Variants in GRAMD2B observed in about 807,000 individuals in gnomAD.
The protein encoded by GRAMD2B is GRAM domain containing 2B, also known as GRAM domain-containing protein 2B.
A neutral mutation model predicts 59.2 loss-of-function variants in GRAMD2B; 41 were observed. The ratio of observed to expected loss-of-function variants is 0.69; its 90% CI spans 0.54 to 0.90. The LOEUF is 0.90. GRAMD2B is among the 40% of genes least tolerant of loss of function. GRAMD2B has a pLI of 0.00. For missense variants in GRAMD2B, 424 were observed against 500.5 expected (o/e 0.85, Z 1.46); for synonymous variants, 161 against 182.7 (o/e 0.88, Z 0.96).
intron 1 of GRAMD2B, among the ~76,000 whole-genome samples, chr5:126,393,616 T>G (rs1757039080): frequency 6.6e-6 from 1 of 152,144 alleles, no homozygotes; most frequent in Non-Finnish European, 1.5e-5. Context: ...ATCTTGAACC[T>G]CCAAATAAGT....
intron 1 of GRAMD2B, among the ~76,000 whole-genome samples, chr5:126,388,120 C>T (rs1240508698): frequency 6.6e-6 from 1 of 152,126 alleles, no homozygotes; most frequent in Non-Finnish European, 1.5e-5. Flanking sequence ...CACCTATAAT[C>T]TCAGCATTTT....
intron 1 of GRAMD2B, among the ~76,000 whole-genome samples, chr5:126,426,049 A>G (rs947046278): frequency 1.5e-4 from 23 of 152,306 alleles, no homozygotes; most frequent in African/African-American, 3.8e-4. Flanking sequence ...GACCATAGGT[A>G]TGTTGCTTGA....
intron 1 of GRAMD2B, among the ~76,000 whole-genome samples, chr5:126,447,627 G>A (rs1764530538): frequency 6.7e-6 from 1 of 148,658 alleles, no homozygotes; most frequent in Admixed American, 6.8e-5. Flanking sequence ...TCGTGCCACT[G>A]CACTCCAGCC....
At chr5:126,427,687 G>C (rs1760850638) in intron 1 of GRAMD2B, among the ~76,000 whole-genome samples, 1 of 152,130 alleles carries the variant, frequency 6.6e-6, no homozygotes, top group Non-Finnish European at 1.5e-5. Flanking sequence ...TGACCGCAGT[G>C]GCAACATCTC....
At chr5:126,430,614 T>A (rs1430972577) in intron 1 of GRAMD2B, among the ~76,000 whole-genome samples, 2 of 152,214 alleles carry the variant, frequency 1.3e-5, no homozygotes, top group Non-Finnish European at 2.9e-5. Flanking sequence ...CTTTGTTCCA[T>A]AGGCTTGATT....
intron 1 of GRAMD2B, among the ~76,000 whole-genome samples, chr5:126,434,583 T>A (rs1226928238): frequency 6.6e-6 from 1 of 152,100 alleles, no homozygotes; most frequent in Non-Finnish European, 1.5e-5. Context: ...AGTGGTGCGA[T>A]CTTGGCTCAC....
At position 126,480,419 on chromosome 5, in the gene GRAMD2B, C is replaced by A; in HGVS notation, c.583-37C>A. 4 of 1,461,096 alleles carry A rather than the reference C, an allele frequency of 2.7e-6. 1 individual carries two copies. The highest frequency in any genetic ancestry group is 9.6e-7 in the Non-Finnish European group (1 of 1,042,804). 90.5% of individuals were successfully genotyped at this position (1,461,096 alleles called of 1,614,324 possible). A position where few individuals can be genotyped will look rare whatever the true frequency, so the allele number is the denominator to read the frequency against. On this transcript the variant is annotated intron_variant, in intron 6 of 13. Transcript: ENST00000285689. The stretch of plus-strand genomic sequence containing the variant: ...CTCTCAACTCTCACTTCTCATCCGG[C>A]AATATCTATTCATAATTATCCTGTT...
At chr5:126,384,820 T>C (rs1432258363) in intron 1 of GRAMD2B, among the ~76,000 whole-genome samples, 2 of 152,262 alleles carry the variant, frequency 1.3e-5, no homozygotes, top group African/African-American at 2.4e-5. Context: ...CAGGTATCAC[T>C]GCCTTCAGAA....
chr5:126,466,258 T>C (rs1317205192), intron 2 of GRAMD2B: 8 of 1,550,362 alleles, frequency 5.2e-6, no homozygotes, highest in Non-Finnish European at 7.0e-6. Context: ...TAAAAGATTA[T>C]TAACTCCGCT....
intron 1 of GRAMD2B, among the ~76,000 whole-genome samples, chr5:126,449,770 T>G (rs1764993626): frequency 6.6e-6 from 1 of 152,226 alleles, no homozygotes; most frequent in African/African-American, 2.4e-5. Flanking sequence ...GTGCTGCTGA[T>G]GCCCGTGTTG....
At chr5:126,454,334 G>A (rs2126703425) in intron 1 of GRAMD2B, among the ~76,000 whole-genome samples, 1 of 152,250 alleles carries the variant, frequency 6.6e-6, no homozygotes. Context: ...TCTTGGAGAG[G>A]AAGATCCTAG....
intron 1 of GRAMD2B, among the ~76,000 whole-genome samples, chr5:126,433,134 G>A (rs1020462465): frequency 5.9e-5 from 9 of 152,164 alleles, no homozygotes; most frequent in African/African-American, 2.2e-4. Context: ...AAACTAAGTA[G>A]CTCCAGAAAA....
chr5:126,465,875 G>T (rs527401191), intron 2 of GRAMD2B, among the ~76,000 whole-genome samples: 1 of 152,084 alleles, frequency 6.6e-6, no homozygotes, highest in African/African-American at 2.4e-5. Flanking sequence ...GTGCACACCT[G>T]GTGTCTCACT....
At chr5:126,464,344 A>G (rs1767919439) in intron 1 of GRAMD2B, among the ~76,000 whole-genome samples, 1 of 152,220 alleles carries the variant, frequency 6.6e-6, no homozygotes, top group East Asian at 1.9e-4. Context: ...TCACATCCTC[A>G]GAAGTATCGT....
At chr5:126,383,542 C>T (rs996223011) in intron 1 of GRAMD2B, among the ~76,000 whole-genome samples, 4 of 152,224 alleles carry the variant, frequency 2.6e-5, no homozygotes, top group Middle Eastern at 3.4e-3. Flanking sequence ...ACCTTGCTGG[C>T]CTTTCACTGT....
At chr5:126,369,098 T>C (rs1754609152), upstream of GRAMD2B, among the ~76,000 whole-genome samples, 1 of 152,196 alleles carries the variant, frequency 6.6e-6, no homozygotes, top group Non-Finnish European at 1.5e-5. Context: ...CTCACACACA[T>C]ACCTGGTCCA....
intron 13 of GRAMD2B, among the ~76,000 whole-genome samples, chr5:126,491,172 T>C (rs771911913): frequency 6.6e-6 from 1 of 152,198 alleles, no homozygotes; most frequent in Non-Finnish European, 1.5e-5. Context: ...GTTTTGTGTG[T>C]GTGTCATCGT....
At chr5:126,372,041 C>A (rs935397936) in intron 1 of GRAMD2B, among the ~76,000 whole-genome samples, 4 of 152,144 alleles carry the variant, frequency 2.6e-5, no homozygotes, top group African/African-American at 9.7e-5. Flanking sequence ...GGTTCAAGTA[C>A]TTACTGCATA....
chr5:126,465,320 G>A, intron 1 of GRAMD2B, 106 bp from the exon 2 acceptor site: 1 of 1,572,986 alleles, frequency 6.4e-7, no homozygotes, highest in Non-Finnish European at 8.6e-7. Context: ...TATCAGTGAG[G>A]AATGAAAATC....
Sources: gnomAD v4.1 joint callset for allele counts (sites outside exome capture counted in the v4.1 genomes callset) on GRCh38, gnomAD v4.1.1 for gene constraint, MANE v1.5 for transcripts, NCBI Gene and HGNC (gene_info 2026-07-23, HGNC 2026-07-21) for gene names.